Variants in CLVS1 observed in about 807,000 individuals in gnomAD.
The protein encoded by CLVS1 is clavesin-1.
Under a neutral mutation model 33.1 loss-of-function variants are expected in CLVS1, and 10 were observed. The ratio of observed to expected loss-of-function variants is 0.30; its 90% CI spans 0.19 to 0.51. The LOEUF (loss-of-function observed/expected upper bound fraction) is 0.51. Ranked by LOEUF, CLVS1 falls within the 20% of genes least tolerant of loss-of-function variation. CLVS1 has a pLI of 0.97. For synonymous variants in CLVS1, 163 were observed against 166.1 expected, an observed-to-expected ratio of 0.98 and a Z score of 0.14; for missense variants, 343 against 433.4, an observed-to-expected ratio of 0.79 and a Z score of 1.85.
chr8:61,232,022 G>GT lies in CLVS1; in HGVS notation c.-151-67655_-151-67654insT, dbSNP rs376185436. Among the ~76,000 whole-genome samples the GT allele has an allele frequency of 1.8e-3, 206 of 117,066 alleles. 31 individuals carry two copies. The highest frequency in any genetic ancestry group is 6.7e-3 in the African/African-American group (149 of 22,342). The allele number at this position is 117,066 out of a possible 152,430, so 76.8% of individuals were successfully genotyped here. A position where few individuals can be genotyped will look rare whatever the true frequency, so the allele number is the denominator to read the frequency against. On this transcript the variant is annotated intron_variant, in intron 2 of 2. Coordinates refer to the CLVS1 transcript ENST00000522621. Reference sequence around the variant, plus strand: ...GAGAAGGAGCCCTGAGGAAAGTTGTGGTTTTTTTTTTTTTTTTTTTTTTTT... The same window carrying GT: ...GAGAAGGAGCCCTGAGGAAAGTTGTGTGTTTTTTTTTTTTTTTTTTTTTTTT...
chr8:61,300,214 G>A lies in CLVS1; in HGVS notation c.387G>A (p.Val129=), dbSNP rs1209611738. Residue 129 remains valine (V), a synonymous_variant, in exon 2 of 6, where the codon GTG becomes GTA. Transcript: ENST00000325897. ...CTCTGATCGATGGGTTCCCCGGGGT[G>A]CTGGAAAACCGAGACCATTACGGCA... ...KRALIDGFPG[V]LENRDHYGRK... is the part of the protein sequence containing the mutation. The A allele has an allele frequency of 1.2e-5, 20 of 1,613,858 alleles. No individual in the cohort carries two copies. The highest frequency in any genetic ancestry group is 1.7e-5 in the Non-Finnish European group (20 of 1,179,956).
intron 2 of CLVS1, among the ~76,000 whole-genome samples, chr8:61,192,526 G>T (rs972082613): frequency 6.6e-6 from 1 of 151,932 alleles, no homozygotes; most frequent in African/African-American, 2.4e-5. Context: ...TGTCAAATAC[G>T]ATCTAATTAA....
At chr8:61,440,768 A>T (rs964850575) in intron 3 of CLVS1, among the ~76,000 whole-genome samples, 3 of 152,082 alleles carry the variant, frequency 2.0e-5, no homozygotes, top group African/African-American at 7.2e-5. Context: ...TGCAGAAAAA[A>T]CCTAGACCCC....
chr8:61,465,020 G>T (rs973292076), intron 5 of CLVS1: 1 of 152,270 alleles, frequency 6.6e-6, no homozygotes, highest in East Asian at 1.9e-4. Context: ...TGACAGAGAG[G>T]TCTGTTCTCC....
intron 5 of CLVS1, among the ~76,000 whole-genome samples, chr8:61,459,024 T>C (rs1817264769): frequency 6.6e-6 from 1 of 152,130 alleles, no homozygotes. Flanking sequence ...AAGTAAGACT[T>C]TTGCAGCATA....
the CLVS1 span, among the ~76,000 whole-genome samples, chr8:61,021,512 G>A: frequency 1.3e-5 from 2 of 150,894 alleles, no homozygotes; most frequent in Admixed American, 6.6e-5. Flanking sequence ...TACCATGACT[G>A]GCTAATTTTT....
At chr8:61,262,307 T>G (rs1809222171) in intron 2 of CLVS1, among the ~76,000 whole-genome samples, 3 of 152,142 alleles carry the variant, frequency 2.0e-5, no homozygotes, top group African/African-American at 7.2e-5. Flanking sequence ...TGAGTGATTG[T>G]GCTTGGCTGT....
At chr8:61,119,301 A>T (rs1563409832) in intron 1 of CLVS1, among the ~76,000 whole-genome samples, 1 of 151,954 alleles carries the variant, frequency 6.6e-6, no homozygotes. Flanking sequence ...AATACAGCAC[A>T]CTGATGGGTC....
intron 2 of CLVS1, among the ~76,000 whole-genome samples, chr8:61,144,764 G>T (rs544494160): frequency 2.0e-5 from 3 of 152,282 alleles, no homozygotes; most frequent in Admixed American, 1.3e-4. Context: ...GGCGTGAGAT[G>T]GTATCTCATT....
chr8:61,411,496 A>C (rs1815222270), intron 3 of CLVS1, among the ~76,000 whole-genome samples: 1 of 152,232 alleles, frequency 6.6e-6, no homozygotes, highest in African/African-American at 2.4e-5. Flanking sequence ...AAGGGGGATA[A>C]GATAGAGAAA....
At chr8:61,025,074 C>T in the CLVS1 span, among the ~76,000 whole-genome samples, 1 of 152,174 alleles carries the variant, frequency 6.6e-6, no homozygotes, top group African/African-American at 2.4e-5. Flanking sequence ...GTCTTGAACT[C>T]CTGACCTCAG....
intron 2 of CLVS1, among the ~76,000 whole-genome samples, chr8:61,321,817 A>G (rs1452997242): frequency 6.6e-6 from 1 of 152,122 alleles, no homozygotes; most frequent in East Asian, 1.9e-4. Flanking sequence ...AGAGGGAGAT[A>G]TATCTTCAAT....
chr8:61,466,495 C>T (rs544474525), intron 5 of CLVS1, among the ~76,000 whole-genome samples: 13 of 152,108 alleles, frequency 8.5e-5, no homozygotes, highest in Admixed American at 3.9e-4. Flanking sequence ...GGGTGTAGGC[C>T]GGAAATTTCT....
chr8:60,985,585 A>C, the CLVS1 span, among the ~76,000 whole-genome samples: 1 of 152,222 alleles, frequency 6.6e-6, no homozygotes, highest in Non-Finnish European at 1.5e-5. Context: ...TTCTCTGCTG[A>C]AACAGAGTAA....
chr8:61,199,625 G>A (rs1192650440), intron 2 of CLVS1, among the ~76,000 whole-genome samples: 2 of 152,146 alleles, frequency 1.3e-5, no homozygotes, highest in Admixed American at 6.5e-5. Flanking sequence ...AAATGGATGT[G>A]GTAAAAAGGG....
intron 2 of CLVS1, among the ~76,000 whole-genome samples, chr8:61,257,163 T>C (rs888434292): frequency 3.3e-5 from 5 of 152,232 alleles, no homozygotes; most frequent in African/African-American, 1.2e-4. Context: ...GTGGGGATAA[T>C]GCTAACAAAT....
chr8:61,181,638 A>G (rs952737154), intron 2 of CLVS1, among the ~76,000 whole-genome samples: 2 of 151,952 alleles, frequency 1.3e-5, no homozygotes, highest in South Asian at 4.2e-4. Flanking sequence ...ACAGACATAT[A>G]GAGCAATGGA....
chr8:61,092,699 C>A (rs780944680), intron 1 of CLVS1, among the ~76,000 whole-genome samples: 5 of 152,180 alleles, frequency 3.3e-5, no homozygotes, highest in Non-Finnish European at 7.3e-5. Context: ...CTTCTGACTC[C>A]TCTTCTACAT....
At chr8:61,389,548 A>G (rs981349439) in intron 3 of CLVS1, among the ~76,000 whole-genome samples, 89 of 152,248 alleles carry the variant, frequency 5.8e-4, no homozygotes, top group Admixed American at 1.5e-3. Flanking sequence ...AGGAAAAAAA[A>G]AAAGACAAAT....
Sources: gnomAD v4.1 joint callset for allele counts (sites outside exome capture counted in the v4.1 genomes callset) on GRCh38, gnomAD v4.1.1 for gene constraint, MANE v1.5 for transcripts, NCBI Gene and HGNC (gene_info 2026-07-23, HGNC 2026-07-21) for gene names.